The following CDH18 variants were observed in gnomAD, a reference collection of about 807,000 sequenced individuals.
CDH18 encodes the protein cadherin-18.
Under a neutral mutation model 67.9 loss-of-function variants are expected in CDH18, and 31 were observed. That is an observed-to-expected ratio of 0.46 (90% CI 0.34 to 0.62). CDH18 has a LOEUF of 0.62. Ranked by LOEUF, CDH18 falls within the 20% of genes least tolerant of loss-of-function variation. The pLI is 0.01. For missense variants in CDH18, 890 were observed against 975.5 expected (o/e 0.91, Z 1.17); for synonymous variants, 362 against 347.2 (o/e 1.04, Z -0.48).
chr5:19,604,473 C>T (rs530967868), intron 6 of CDH18, among the ~76,000 whole-genome samples: 18 of 151,106 alleles, frequency 1.2e-4, no homozygotes, highest in Non-Finnish European at 2.4e-4. Flanking sequence ...TTTATAATCT[C>T]CACTTTAAAT....
intron 3 of CDH18, among the ~76,000 whole-genome samples, chr5:19,753,236 G>T (rs1252149828): frequency 1.3e-5 from 2 of 151,932 alleles, no homozygotes; most frequent in Non-Finnish European, 2.9e-5. Flanking sequence ...TAATCATGGA[G>T]GCCCCAAATA....
Position 20,275,390 on chromosome 5 carries a change from T to C in CDH18, c.-579-19885A>G, listed in dbSNP as rs148742443. ...CTTTCCCTTCATCTTCTACCATGAC[T>C]GTAAGTTTTCTGAGGCCTCCTTATC... On this transcript the variant is annotated intron_variant, in intron 1 of 14. Transcript: ENST00000507958. Among the ~76,000 whole-genome samples the C allele has an allele frequency of 5.7e-3, 870 of 152,214 alleles. 6 individuals carry two copies. The highest frequency in any genetic ancestry group is 0.011 in the African/African-American group (455 of 41,536).
intron 1 of CDH18, among the ~76,000 whole-genome samples, chr5:20,370,258 C>T (rs531374119): frequency 1.4e-5 from 2 of 148,122 alleles, no homozygotes; most frequent in East Asian, 4.2e-4. Context: ...GTCATCATTA[C>T]TATCCTCATC....
At chr5:20,135,041 G>C (rs1749584643) in intron 2 of CDH18, among the ~76,000 whole-genome samples, 1 of 152,078 alleles carries the variant, frequency 6.6e-6, no homozygotes, top group Admixed American at 6.6e-5. Flanking sequence ...CCCCATGAGA[G>C]AGAAGAAAGG....
upstream of CDH18, among the ~76,000 whole-genome samples, chr5:19,990,606 A>T (rs1799926411): frequency 6.6e-6 from 1 of 152,210 alleles, no homozygotes; most frequent in East Asian, 1.9e-4. Context: ...TCTTGGAATA[A>T]GGGCTCTAGA....
intron 1 of CDH18, among the ~76,000 whole-genome samples, chr5:20,534,489 T>C (rs999231980): frequency 6.6e-6 from 1 of 152,078 alleles, no homozygotes; most frequent in African/African-American, 2.4e-5. Flanking sequence ...ATTGTCTTTG[T>C]TCATCTTCAT....
intron 1 of CDH18, among the ~76,000 whole-genome samples, chr5:20,280,768 C>T (rs1746194777): frequency 6.6e-6 from 1 of 152,106 alleles, no homozygotes; most frequent in Non-Finnish European, 1.5e-5. Context: ...TTCTAGATCC[C>T]TGAGGAATCG....
chr5:19,667,240 A>G (rs1427847734), intron 5 of CDH18, among the ~76,000 whole-genome samples: 7 of 151,690 alleles, frequency 4.6e-5, no homozygotes, highest in Non-Finnish European at 1.0e-4. Context: ...TCAATATTAC[A>G]TGATATTTTA....
At chr5:20,053,845 A>G (rs996617551) in intron 2 of CDH18, among the ~76,000 whole-genome samples, 1 of 152,130 alleles carries the variant, frequency 6.6e-6, no homozygotes, top group Non-Finnish European at 1.5e-5. Context: ...CTTCTGCTCA[A>G]CATGGGTAGG....
At chr5:19,624,986 G>T (rs979028349) in intron 5 of CDH18, among the ~76,000 whole-genome samples, 2 of 151,732 alleles carry the variant, frequency 1.3e-5, no homozygotes, top group African/African-American at 4.8e-5. Context: ...CACTGTTCTA[G>T]GTGGAGAAAA....
intron 2 of CDH18, among the ~76,000 whole-genome samples, chr5:19,918,906 G>A (rs951306882): frequency 6.6e-6 from 1 of 152,084 alleles, no homozygotes; most frequent in Non-Finnish European, 1.5e-5. Flanking sequence ...CTAATGAGAT[G>A]TCTGGTGGGT....
chr5:19,987,876 AT>A (rs1439186958), intron 1 of CDH18, among the ~76,000 whole-genome samples: 2 of 152,206 alleles, frequency 1.3e-5, no homozygotes, highest in African/African-American at 4.8e-5. Flanking sequence ...CTATGGCAGC[AT>A]TCCTGCATAA....
intron 1 of CDH18, among the ~76,000 whole-genome samples, chr5:20,326,125 C>A (rs553870147): frequency 1.3e-5 from 2 of 152,182 alleles, no homozygotes; most frequent in Non-Finnish European, 2.9e-5. Context: ...CATCTAAAAT[C>A]TCATCCAAGT....
At chr5:19,709,086 C>T (rs937285280) in intron 5 of CDH18, among the ~76,000 whole-genome samples, 1 of 152,088 alleles carries the variant, frequency 6.6e-6, no homozygotes, top group African/African-American at 2.4e-5. Context: ...TACCCATGAA[C>T]CAATCACTTG....
intron 6 of CDH18, among the ~76,000 whole-genome samples, chr5:19,592,576 A>C (rs1745342077): frequency 6.6e-6 from 1 of 152,138 alleles, no homozygotes; most frequent in South Asian, 2.1e-4. Context: ...CTCTAGAAAA[A>C]TAATTTCAGT....
At position 19,820,344 on chromosome 5, in the gene CDH18, C is replaced by T. The variant is rs975414277; in HGVS notation, c.228+18415G>A. On this transcript the variant is annotated intron_variant, in intron 3 of 12. Transcript: ENST00000382275. Reference sequence around the variant, plus strand: ...TGTTCAGACCTGCTCCTGGAGTAGACAACAGAGGGAGAAACCAACAGGGGA... The same window carrying T: ...TGTTCAGACCTGCTCCTGGAGTAGATAACAGAGGGAGAAACCAACAGGGGA... Among the ~76,000 whole-genome samples the T allele has an allele frequency of 9.9e-5, 15 of 152,114 alleles. 1 individual carries two copies.
At chr5:19,853,047 A>G (rs142118586) in intron 2 of CDH18, among the ~76,000 whole-genome samples, 12 of 152,272 alleles carry the variant, frequency 7.9e-5, no homozygotes, top group Non-Finnish European at 1.2e-4. Flanking sequence ...TGCCTCCTCC[A>G]GTAAAACTGT....
At position 20,445,255 on chromosome 5, in the gene CDH18, T is replaced by G. The variant is rs536921291; in HGVS notation, c.-580+130207A>C. ...GTTTATTTCCTTAAATTGCATACAATTCTAACAACTTTGATTATCCGATTT... is the reference window on the plus strand; with the variant it reads ...GTTTATTTCCTTAAATTGCATACAAGTCTAACAACTTTGATTATCCGATTT... On this transcript the variant is annotated intron_variant, in intron 1 of 14. Coordinates refer to the CDH18 transcript ENST00000507958. 5.3e-5 allele frequency among the ~76,000 whole-genome samples: 8 copies of G among 152,306 alleles called. No individual in the cohort carries two copies. In the East Asian group the frequency reaches 1.5e-3, roughly 29 times the overall value.
intron 2 of CDH18, among the ~76,000 whole-genome samples, chr5:20,028,771 C>T (rs1322056898): frequency 6.6e-6 from 1 of 152,142 alleles, no homozygotes; most frequent in African/African-American, 2.4e-5. Context: ...CTACTCAGAA[C>T]ATCACAGAAT....
Sources: allele counts gnomAD v4.1 joint callset (sites outside exome capture counted in the v4.1 genomes callset), GRCh38; gene constraint gnomAD v4.1.1; transcripts MANE v1.5; gene names NCBI Gene and HGNC (gene_info 2026-07-23, HGNC 2026-07-21).